Variants in C17orf75 observed in about 807,000 individuals in gnomAD.
C17orf75 encodes chromosome 17 open reading frame 75, also known as protein Njmu-R1.
A neutral mutation model predicts 49.6 loss-of-function variants in C17orf75; 32 were observed. The ratio of observed to expected loss-of-function variants is 0.65; its 90% CI spans 0.49 to 0.87. The LOEUF is 0.87. Ranked by LOEUF, C17orf75 falls within the 40% of genes least tolerant of loss-of-function variation. The pLI is 0.00. For missense variants in C17orf75, 428 were observed against 473.9 expected, an observed-to-expected ratio of 0.90 and a Z score of 0.90; for synonymous variants, 158 against 159.5, an observed-to-expected ratio of 0.99 and a Z score of 0.07.
At chr17:32,338,948 G>A (rs929226069) in intron 3 of C17orf75, among the ~76,000 whole-genome samples, 5 of 152,134 alleles carry the variant, frequency 3.3e-5, no homozygotes, top group South Asian at 2.1e-4. Context: ...AAAATTAGCC[G>A]GGTATGGTGG....
chr17:32,335,570 C>G (rs764749341), intron 5 of C17orf75, 128 bp from the exon 6 acceptor site: 4 of 1,158,008 alleles, frequency 3.5e-6, no homozygotes, highest in Non-Finnish European at 3.6e-6. Context: ...AAGCTAACAC[C>G]ACCAATTCAA....
Position 32,335,411 on chromosome 17 carries a change from T to C in C17orf75, c.581A>G (p.Tyr194Cys), listed in dbSNP as rs774433650. 3.1e-6 allele frequency: 5 copies of C among 1,613,932 alleles called. No individual in the cohort carries two copies. The highest frequency in any genetic ancestry group is 2.2e-5 in the South Asian group (2 of 91,084). ...AACATCCTCAAACCAGCTGCTCAGATAGGATTTTATGTGACTCTCCAGGCC... is the reference window on the plus strand; with the variant it reads ...AACATCCTCAAACCAGCTGCTCAGACAGGATTTTATGTGACTCTCCAGGCC... The part of the protein sequence containing the change: ...ARGLESHIKS[Y>C]LSSWFEDVVC... The change falls in exon 6 of 10, where the codon TAT becomes TGT. Residue 194 changes from tyrosine to cysteine, a missense_variant. By Grantham distance (194) the Tyr-to-Cys change is radical (BLOSUM62 -2). Transcript: ENST00000577809.
rs776925626 is a variant in C17orf75, at chr17:32,334,731, C to T, written c.734+44G>A. ...GCAGTTTACAAACACAGATGTCAAT[C>T]TTGCTGTGGAAAAGCTTTTCTCTTT... is the stretch of plus-strand genomic sequence containing the variant. On this transcript the variant is annotated intron_variant, in intron 7 of 9. Coordinates refer to ENST00000577809, the MANE Select transcript of C17orf75 (RefSeq NM_022344.4). The T allele has an allele frequency of 1.9e-6, 3 of 1,568,436 alleles. No individual in the cohort carries two copies. In the South Asian group the frequency reaches 3.5e-5, roughly 18 times the overall value.
intron 1 of C17orf75, among the ~76,000 whole-genome samples, chr17:32,348,550 G>A (rs2150782473): frequency 6.6e-6 from 1 of 152,274 alleles, no homozygotes; most frequent in South Asian, 2.1e-4. Context: ...GCTTTTAATA[G>A]TAACATAATT....
intron 9 of C17orf75, among the ~76,000 whole-genome samples, 161 bp from the exon 10 acceptor site, chr17:32,332,139 TAGA>T (rs750299272): frequency 6.6e-6 from 1 of 152,308 alleles, no homozygotes; most frequent in Non-Finnish European, 1.5e-5. Context: ...TTGCCCTTGG[TAGA>T]AGAAGAAAAT....
upstream of C17orf75, chr17:32,344,181 T>C (rs2041406936): frequency 4.0e-6 from 2 of 497,284 alleles, no homozygotes; most frequent in Admixed American, 3.4e-5. Flanking sequence ...TTATTTTTTA[T>C]AGAGACAGTG....
chr17:32,328,458 TTTA>T lies in C17orf75; in HGVS notation c.*3302_*3304del, dbSNP rs1464969820. On this transcript the variant is annotated 3_prime_UTR_variant, in exon 10 of 10. Transcript: ENST00000577809. Reference sequence around the variant, plus strand: ...CAACTGTCTTGATGAGAAGCTAAGTTTTATTATTATAATTACAAATTAATTACA... The same window carrying T: ...CAACTGTCTTGATGAGAAGCTAAGTTTTATTATAATTACAAATTAATTACA... The T allele has an allele frequency of 6.6e-6, 1 of 152,214 alleles. No individual in the cohort carries two copies. The highest frequency in any genetic ancestry group is 1.9e-4 in the East Asian group (1 of 5,204). 9.4% of individuals were successfully genotyped at this position (152,214 alleles called of 1,614,324 possible).
chr17:32,345,505 T>C (rs996154269), upstream of C17orf75, among the ~76,000 whole-genome samples: 1 of 150,966 alleles, frequency 6.6e-6, no homozygotes, highest in Non-Finnish European at 1.5e-5. Flanking sequence ...GAATTTTAGA[T>C]TGATATGATT....
intron 3 of C17orf75, among the ~76,000 whole-genome samples, chr17:32,339,469 C>T (rs569288449): frequency 7.9e-5 from 12 of 151,504 alleles, no homozygotes; most frequent in Non-Finnish European, 7.4e-5. Flanking sequence ...TGCCTGCAGT[C>T]CCAGCTACTT....
In C17orf75 at chr17:32,331,477, A is replaced by G. The variant is rs951476978; in HGVS notation, c.*286T>C. ...GCTTTTCCTGAGAAAAGCCACAAACAAAATCATCTCTGAAATTTTTTAAGC... is the reference window on the plus strand; with the variant it reads ...GCTTTTCCTGAGAAAAGCCACAAACGAAATCATCTCTGAAATTTTTTAAGC... On this transcript the variant is annotated 3_prime_UTR_variant, in exon 10 of 10. Transcript: ENST00000577809. The G allele has an allele frequency of 3.2e-6, 1 of 310,214 alleles. No individual in the cohort carries two copies. 19.2% of individuals were successfully genotyped at this position (310,214 alleles called of 1,614,324 possible). A position where few individuals can be genotyped will look rare whatever the true frequency, so the allele number is the denominator to read the frequency against.
intron 1 of C17orf75, among the ~76,000 whole-genome samples, chr17:32,341,485 G>C (rs2041379959): frequency 2.0e-5 from 3 of 152,154 alleles, no homozygotes; most frequent in African/African-American, 7.2e-5. Flanking sequence ...TTAACGGGTG[G>C]AGGAAAGGCT....
chr17:32,343,513 A>G, upstream of C17orf75: 1 of 270,466 alleles, frequency 3.7e-6, no homozygotes, highest in South Asian at 1.3e-4. Context: ...AAAATAGCAC[A>G]TTAAATCCTC....
intron 4 of C17orf75, 45 bp downstream of exon 4, chr17:32,338,163 C>G (rs2041343759): frequency 6.3e-7 from 1 of 1,594,400 alleles, no homozygotes; most frequent in African/African-American, 1.4e-5. Context: ...ACCTGCCTTC[C>G]CATGTTTTCC....
chr17:32,334,588 C>T lies in C17orf75; in HGVS notation c.752G>A (p.Ser251Asn). ...GCCTTCATGAATAAGTCCTTGAAGA[C>T]TGGCCACACTCAGAAACCTGCCACA... ...RDINRFLSVA[S>N]LQGLIHEGTM... Residue 251 changes from serine to asparagine, a missense_variant, in exon 8 of 10, where the codon AGT becomes AAT. Ser to Asn is a conservative substitution (Grantham distance 46). Transcript: ENST00000577809. 2 of 1,611,990 alleles carry T rather than the reference C, an allele frequency of 1.2e-6. No homozygotes were observed. Among genetic ancestry groups the T allele is most frequent in the Non-Finnish European group, 1.7e-6 (2 of 1,179,374 alleles).
chr17:32,344,634 C>T (rs920764774), upstream of C17orf75, among the ~76,000 whole-genome samples: 7 of 135,552 alleles, frequency 5.2e-5, no homozygotes, highest in Non-Finnish European at 7.9e-5. Flanking sequence ...TACGGCCGGG[C>T]GTGGTGACTC....
intron 8 of C17orf75, 128 bp downstream of exon 8, chr17:32,334,341 C>T (rs1333893254): frequency 4.1e-6 from 5 of 1,215,720 alleles, no homozygotes; most frequent in Non-Finnish European, 4.4e-6. Context: ...CAAGTGGTTT[C>T]TCATGGTTTG....
Position 32,338,916 on chromosome 17 carries a change from C to A in C17orf75, c.348-565G>T, listed in dbSNP as rs553110293. ...GACCAGCCTGGCCAACATGGTGAAA[C>A]CCCATCTCTACTAAAAATACAAAAA... On this transcript the variant is annotated intron_variant, in intron 3 of 9. Transcript: ENST00000577809. Among the ~76,000 whole-genome samples the A allele has an allele frequency of 5.3e-5, 8 of 152,208 alleles. No homozygotes were observed. The South Asian group carries it at 6.2e-4, about 12-fold the overall frequency.
At position 32,335,433 on chromosome 17, in the gene C17orf75, G is replaced by A; in HGVS notation, c.559C>T (p.Leu187=). The change falls in exon 6 of 10, where the codon CTG becomes TTG. Residue 187 remains leucine, a synonymous_variant. Transcript: ENST00000577809. ...AGATAGGATTTTATGTGACTCTCCA[G>A]GCCCCTTGCCTAAATCAAGAAAGAA... ...KNNMNCEARG[L]ESHIKSYLSS... The A allele has an allele frequency of 6.2e-7, 1 of 1,613,704 alleles. No homozygotes were observed.
chr17:32,347,918 C>A (rs1447061643), intron 1 of C17orf75, among the ~76,000 whole-genome samples: 1 of 152,070 alleles, frequency 6.6e-6, no homozygotes, highest in African/African-American at 2.4e-5. Context: ...CTATGGTGCC[C>A]AGGTTGGTCT....
Sources: allele counts gnomAD v4.1 joint callset (sites outside exome capture counted in the v4.1 genomes callset), GRCh38; gene constraint gnomAD v4.1.1; transcripts MANE v1.5; gene names NCBI Gene and HGNC (gene_info 2026-07-23, HGNC 2026-07-21).